The following ADGRL3 variants were observed in gnomAD, a reference collection of about 807,000 sequenced individuals.
ADGRL3 encodes the protein adhesion G protein-coupled receptor L3, also known as calcium-independent alpha-latrotoxin receptor 3.
ADGRL3 carries 62 observed loss-of-function variants against 153.5 expected under a neutral mutation model. That is an observed-to-expected ratio of 0.40 (90% CI 0.33 to 0.50). The LOEUF (loss-of-function observed/expected upper bound fraction) is 0.50, where lower values mean the gene tolerates loss of function less well. ADGRL3 is among the 20% of genes least tolerant of loss of function. ADGRL3 has a pLI of 0.47. For synonymous variants in ADGRL3, 710 were observed against 672.5 expected (o/e 1.06, Z -0.86); for missense variants, 1,641 against 1,859.4 (o/e 0.88, Z 2.16).
At chr4:61,207,193 TC>T (rs947391855) in intron 1 of ADGRL3, among the ~76,000 whole-genome samples, 2 of 151,972 alleles carry the variant, frequency 1.3e-5, no homozygotes, top group Non-Finnish European at 2.9e-5. Flanking sequence ...ATGCTATCCC[TC>T]CCCTAGCCTC....
At chr4:61,821,912 A>G (rs2097759543) in intron 9 of ADGRL3, among the ~76,000 whole-genome samples, 1 of 152,202 alleles carries the variant, frequency 6.6e-6, no homozygotes, top group East Asian at 1.9e-4. Context: ...CCAAAGATTT[A>G]CTATTACAAA....
At chr4:61,495,514 G>T (rs959112871) in intron 2 of ADGRL3, among the ~76,000 whole-genome samples, 1 of 151,384 alleles carries the variant, frequency 6.6e-6, no homozygotes, top group Non-Finnish European at 1.5e-5. Flanking sequence ...GGGAAGGAAG[G>T]GGAAGGGAAG....
At position 61,955,744 on chromosome 4, in the gene ADGRL3, T is replaced by G. The variant is rs1002586266; in HGVS notation, c.2805+7468T>G. Reference sequence around the variant, plus strand: ...TTGTTCCCCTCCCTGTATCCATGTGTTCTCATTATTCAACTCCTACTTATG... The same window carrying G: ...TTGTTCCCCTCCCTGTATCCATGTGGTCTCATTATTCAACTCCTACTTATG... On this transcript the variant is annotated intron_variant, in intron 17 of 26. Transcript: ENST00000683033. Among the ~76,000 whole-genome samples the G allele has an allele frequency of 4.6e-5, 7 of 152,270 alleles. No homozygotes were observed. In the East Asian group the frequency reaches 1.4e-3, roughly 29 times the overall value.
chr4:61,481,537 C>T (rs2098131643), intron 2 of ADGRL3, among the ~76,000 whole-genome samples: 1 of 151,186 alleles, frequency 6.6e-6, no homozygotes. Context: ...TTATGAGCTC[C>T]AAAGCTCATA....
At chr4:61,858,408 G>C (rs2098302878) in intron 9 of ADGRL3, among the ~76,000 whole-genome samples, 1 of 152,116 alleles carries the variant, frequency 6.6e-6, no homozygotes, top group Admixed American at 6.5e-5. Context: ...GGATCACCAG[G>C]TCAGGAGTTC....
intron 17 of ADGRL3, among the ~76,000 whole-genome samples, chr4:61,970,978 G>A (rs17226349): frequency 0.2 from 30,248 of 151,820 alleles, 3,569 homozygotes; most frequent in East Asian, 0.44. Context: ...AATCCTGCTG[G>A]CTTCAGTTTA....
intron 1 of ADGRL3, among the ~76,000 whole-genome samples, chr4:61,217,545 A>G (rs1234947654): frequency 6.6e-6 from 1 of 152,224 alleles, no homozygotes; most frequent in East Asian, 1.9e-4. Context: ...GAGTTAACGT[A>G]GAGAATGTTT....
At chr4:61,743,161 A>G (rs949985757) in intron 8 of ADGRL3, among the ~76,000 whole-genome samples, 3 of 151,958 alleles carry the variant, frequency 2.0e-5, no homozygotes, top group Non-Finnish European at 4.4e-5. Flanking sequence ...TCTATTAAAA[A>G]TACGAAAAAT....
chr4:61,412,950 A>G (rs2097104655), intron 2 of ADGRL3, among the ~76,000 whole-genome samples: 1 of 152,084 alleles, frequency 6.6e-6, no homozygotes, highest in African/African-American at 2.4e-5. Context: ...ATTAAGTTTG[A>G]CATGTTCCTG....
intron 2 of ADGRL3, among the ~76,000 whole-genome samples, chr4:61,452,534 G>A (rs2097688370): frequency 6.6e-6 from 1 of 152,144 alleles, no homozygotes; most frequent in African/African-American, 2.4e-5. Context: ...GTTGTTCTTT[G>A]TTGAAATTTT....
chr4:61,329,091 G>T (rs757117103), intron 1 of ADGRL3, among the ~76,000 whole-genome samples: 1 of 152,106 alleles, frequency 6.6e-6, no homozygotes, highest in Non-Finnish European at 1.5e-5. Flanking sequence ...AGACATGAAG[G>T]ACTGGTGTTT....
chr4:61,736,105 A>G (rs1227662147), intron 8 of ADGRL3, among the ~76,000 whole-genome samples: 1 of 152,086 alleles, frequency 6.6e-6, no homozygotes, highest in Non-Finnish European at 1.5e-5. Context: ...TAGTATACAT[A>G]TTCATATGGT....
intron 8 of ADGRL3, among the ~76,000 whole-genome samples, chr4:61,747,734 A>G (rs373396690): frequency 6.7e-6 from 1 of 149,220 alleles, no homozygotes; most frequent in African/African-American, 2.5e-5. Flanking sequence ...ATCTATGACA[A>G]ACCCACAGCC....
intron 5 of ADGRL3, among the ~76,000 whole-genome samples, chr4:61,648,748 GC>G: frequency 6.6e-6 from 1 of 152,062 alleles, no homozygotes; most frequent in East Asian, 1.9e-4. Flanking sequence ...GCTGCTGTGT[GC>G]CAGACACTGT....
intron 8 of ADGRL3, among the ~76,000 whole-genome samples, chr4:61,741,216 C>T (rs569999151): frequency 6.6e-6 from 1 of 152,200 alleles, no homozygotes; most frequent in Non-Finnish European, 1.5e-5. Context: ...ATATGGTGCA[C>T]CCTCGTCAGA....
chr4:61,312,152 G>A (rs973790968), intron 1 of ADGRL3, among the ~76,000 whole-genome samples: 1 of 152,054 alleles, frequency 6.6e-6, no homozygotes, highest in Non-Finnish European at 1.5e-5. Context: ...AAGTGCAAAG[G>A]CAATTTAATA....
At chr4:61,850,206 T>C (rs960421234) in intron 9 of ADGRL3, among the ~76,000 whole-genome samples, 2 of 152,148 alleles carry the variant, frequency 1.3e-5, no homozygotes, top group Non-Finnish European at 2.9e-5. Flanking sequence ...CATCTTATGC[T>C]ACTTATCTCC....
intron 9 of ADGRL3, among the ~76,000 whole-genome samples, chr4:61,847,532 CTGT>C (rs1190013384): frequency 7.5e-6 from 1 of 133,606 alleles, no homozygotes; most frequent in East Asian, 2.1e-4. Context: ...TCATAGGAGC[CTGT>C]TGTTTAGAAG....
intron 5 of ADGRL3, among the ~76,000 whole-genome samples, chr4:61,650,988 TAGTA>T (rs1321950843): frequency 5.9e-5 from 9 of 152,062 alleles, no homozygotes; most frequent in Non-Finnish European, 1.2e-4. Context: ...TAATGGAAAA[TAGTA>T]AGGAATCAAG....
Sources: allele counts gnomAD v4.1 joint callset (sites outside exome capture counted in the v4.1 genomes callset), GRCh38; gene constraint gnomAD v4.1.1; transcripts MANE v1.5; gene names NCBI Gene and HGNC (gene_info 2026-07-23, HGNC 2026-07-21).